The following TBCK variants were observed in gnomAD, a reference collection of about 807,000 sequenced individuals.
TBCK encodes the protein TBC domain-containing protein kinase-like protein.
Under a neutral mutation model 113.4 loss-of-function variants are expected in TBCK, and 99 were observed. That is an observed-to-expected ratio of 0.87 (90% CI 0.74 to 1.03). The LOEUF (loss-of-function observed/expected upper bound fraction) is 1.03, where lower values mean the gene tolerates loss of function less well. Ranked by LOEUF, TBCK falls within the 50% of genes least tolerant of loss-of-function variation. The pLI is 0.00. For synonymous variants in TBCK, 369 were observed against 370.8 expected (o/e 1.00, Z 0.05); for missense variants, 1,045 against 1,061.3 (o/e 0.98, Z 0.21).
chr4:106,226,351 A>T (rs1178260285), intron 19 of TBCK, among the ~76,000 whole-genome samples: 1 of 152,196 alleles, frequency 6.6e-6, no homozygotes, highest in Non-Finnish European at 1.5e-5. Context: ...AAATCAATGT[A>T]ACAGAAGATG....
intron 3 of TBCK, among the ~76,000 whole-genome samples, chr4:106,280,908 AT>A: frequency 6.6e-6 from 1 of 152,002 alleles, no homozygotes; most frequent in African/African-American, 2.4e-5. Context: ...GCTATTCTGG[AT>A]CTTTTGTGGT....
At chr4:106,315,486 CA>C (rs1185690212) in intron 1 of TBCK, 1 of 152,356 alleles carries the variant, frequency 6.6e-6, no homozygotes, top group East Asian at 1.9e-4. Flanking sequence ...GAAACCAGGA[CA>C]GGGATCCTTG....
intron 3 of TBCK, among the ~76,000 whole-genome samples, chr4:106,293,361 C>A (rs1055657679): frequency 6.6e-6 from 1 of 152,156 alleles, no homozygotes; most frequent in Non-Finnish European, 1.5e-5. Flanking sequence ...TCACTGTCTC[C>A]CATCATCCCC....
intron 23 of TBCK, among the ~76,000 whole-genome samples, chr4:106,121,436 C>T (rs1219844468): frequency 1.4e-5 from 2 of 144,770 alleles, no homozygotes; most frequent in East Asian, 2.1e-4. Flanking sequence ...GAGACTTTAA[C>T]ACCCCACTGT....
intron 25 of TBCK, among the ~76,000 whole-genome samples, chr4:106,075,045 G>T (rs1738007082): frequency 6.6e-6 from 1 of 152,210 alleles, no homozygotes; most frequent in Non-Finnish European, 1.5e-5. Context: ...ATAGATCTAT[G>T]ATGGGAGGTG....
At chr4:106,222,966 T>C (rs1757868470) in intron 19 of TBCK, among the ~76,000 whole-genome samples, 1 of 152,058 alleles carries the variant, frequency 6.6e-6, no homozygotes, top group South Asian at 2.1e-4. Flanking sequence ...TTGCTCTAGC[T>C]AAAAAAAGAA....
At chr4:106,086,089 A>C (rs1739471083) in intron 25 of TBCK, among the ~76,000 whole-genome samples, 1 of 152,118 alleles carries the variant, frequency 6.6e-6, no homozygotes, top group Non-Finnish European at 1.5e-5. Context: ...ACAAGAAATA[A>C]CTAAAAGAAG....
At chr4:106,215,343 A>C (rs1756745873) in intron 19 of TBCK, among the ~76,000 whole-genome samples, 2 of 152,114 alleles carry the variant, frequency 1.3e-5, no homozygotes, top group African/African-American at 4.8e-5. Flanking sequence ...TCATAATGAC[A>C]GGATCAAATT....
intron 22 of TBCK, among the ~76,000 whole-genome samples, chr4:106,171,827 C>T (rs1191018165): frequency 6.6e-6 from 1 of 151,836 alleles, no homozygotes. Flanking sequence ...CAGCATTTCT[C>T]AATTTTTTTT....
intron 3 of TBCK, among the ~76,000 whole-genome samples, chr4:106,272,983 C>T (rs1763658984): frequency 6.6e-6 from 1 of 152,138 alleles, no homozygotes; most frequent in Admixed American, 6.5e-5. Flanking sequence ...TACCTACCTA[C>T]AGTAACAGTT....
intron 20 of TBCK, among the ~76,000 whole-genome samples, chr4:106,211,293 C>A (rs1472217689): frequency 6.6e-6 from 1 of 152,072 alleles, no homozygotes; most frequent in Non-Finnish European, 1.5e-5. Context: ...AAGATTGGAT[C>A]TATATTGTAT....
chr4:106,047,827 T>C (rs1734381951), intron 25 of TBCK, among the ~76,000 whole-genome samples: 1 of 152,168 alleles, frequency 6.6e-6, no homozygotes, highest in South Asian at 2.1e-4. Flanking sequence ...CTATTTTATC[T>C]CTGTTCCTTC....
chr4:106,119,957 G>A (rs1744049620), intron 23 of TBCK, among the ~76,000 whole-genome samples: 1 of 152,150 alleles, frequency 6.6e-6, no homozygotes, highest in Admixed American at 6.5e-5. Context: ...CACAATGTGA[G>A]AGGAGCCAAG....
chr4:106,167,131 TAG>T (rs59727874), intron 23 of TBCK, among the ~76,000 whole-genome samples: 11,052 of 142,950 alleles, frequency 0.077, 659 homozygotes, highest in East Asian at 0.2. Context: ...TATATATATA[TAG>T]AGAGAGAGAG....
chr4:106,073,032 T>C (rs958771665), intron 25 of TBCK, among the ~76,000 whole-genome samples: 1 of 152,198 alleles, frequency 6.6e-6, no homozygotes, highest in African/African-American at 2.4e-5. Flanking sequence ...TTCCTTGCGA[T>C]GGGTTCGAAC....
At chr4:106,154,993 A>C (rs1199537599) in intron 23 of TBCK, among the ~76,000 whole-genome samples, 1 of 152,032 alleles carries the variant, frequency 6.6e-6, no homozygotes, top group East Asian at 1.9e-4. Context: ...TACTCATTAA[A>C]AGTCTTTTCT....
chr4:106,113,895 C>G (rs924097201), intron 24 of TBCK, among the ~76,000 whole-genome samples: 7 of 152,178 alleles, frequency 4.6e-5, no homozygotes, highest in Non-Finnish European at 8.8e-5. Context: ...ACAAACACCC[C>G]CTTCTCAGCT....
At chr4:106,120,223 G>C (rs112662735) in intron 23 of TBCK, among the ~76,000 whole-genome samples, 1 of 152,098 alleles carries the variant, frequency 6.6e-6, no homozygotes, top group Non-Finnish European at 1.5e-5. Flanking sequence ...CTGGAAAATC[G>C]GGTCACTCCC....
chr4:106,277,415 C>T (rs971880988), intron 3 of TBCK, among the ~76,000 whole-genome samples: 1 of 151,996 alleles, frequency 6.6e-6, no homozygotes, highest in Non-Finnish European at 1.5e-5. Context: ...CAGCTTTAGT[C>T]ATAATAGCCA....
Sources: allele counts gnomAD v4.1 joint callset (sites outside exome capture counted in the v4.1 genomes callset), GRCh38; gene constraint gnomAD v4.1.1; transcripts MANE v1.5; gene names NCBI Gene and HGNC (gene_info 2026-07-23, HGNC 2026-07-21).